Variants in PCDHA10 observed in about 807,000 individuals in gnomAD.
PCDHA10 encodes the protein protocadherin alpha-10.
Under a neutral mutation model 61.2 loss-of-function variants are expected in PCDHA10, and 45 were observed. That is an observed-to-expected ratio of 0.74 (90% CI 0.58 to 0.94). The LOEUF (loss-of-function observed/expected upper bound fraction) is 0.94, where lower values mean the gene tolerates loss of function less well. PCDHA10 is among the 40% of genes least tolerant of loss of function. The pLI, the probability that PCDHA10 is intolerant of heterozygous loss-of-function variation, is 0.00. For synonymous variants in PCDHA10, 602 were observed against 548.8 expected (o/e 1.10, Z -1.35); for missense variants, 1,278 against 1,236.2 (o/e 1.03, Z -0.51).
At chr5:140,969,251 A>T in intron 1 of PCDHA10, 3 of 1,614,262 alleles carry the variant, frequency 1.9e-6, no homozygotes, top group Non-Finnish European at 2.5e-6. Context: ...AGTGACTGAC[A>T]GCAGGAATCT....
chr5:140,924,165 C>G (rs782754845), intron 1 of PCDHA10, among the ~76,000 whole-genome samples: 5 of 152,230 alleles, frequency 3.3e-5, no homozygotes, highest in Admixed American at 1.3e-4. Context: ...ATCCTAATCT[C>G]TGGCACTGAA....
rs373307820 is a variant in PCDHA10 at position 140,857,638 on chromosome 5, A to G, written c.1590A>G (p.Leu530=). The G allele has an allele frequency of 1.1e-4, 174 of 1,596,206 alleles. 22 individuals are homozygous for G. The highest frequency in any genetic ancestry group is 1.4e-4 in the Non-Finnish European group (161 of 1,167,602). ...TGGACCACGAGGAGCTGGAGCTGCT[A>G]CAGTTCCAGGTGAGCGCGCGCGATG... is the stretch of plus-strand genomic sequence containing the variant. ...QPLDHEELEL[L]QFQVSARDGG... Residue 530 remains leucine (L), a synonymous_variant, in exon 1 of 4, where the codon CTA becomes CTG. Transcript: ENST00000307360.
At chr5:140,985,487 A>C (rs1554247112) in intron 3 of PCDHA10, among the ~76,000 whole-genome samples, 1 of 152,162 alleles carries the variant, frequency 6.6e-6, no homozygotes, top group Non-Finnish European at 1.5e-5. Context: ...TCCAGACTCA[A>C]ATAGAGCCTG....
chr5:140,979,130 A>C, intron 2 of PCDHA10, 123 bp downstream of exon 2: 1 of 1,473,242 alleles, frequency 6.8e-7, no homozygotes, highest in Admixed American at 2.7e-5. Flanking sequence ...TTTGCCAGGA[A>C]AATGCAATTA....
At chr5:140,870,806 A>AGAGT in intron 1 of PCDHA10, 1 of 1,613,688 alleles carries the variant, frequency 6.2e-7, no homozygotes, top group Non-Finnish European at 8.5e-7. Flanking sequence ...CTGGCGACTC[A>AGAGT]GGCTGGCAGC....
At chr5:140,913,503 T>G (rs1334607884) in intron 1 of PCDHA10, among the ~76,000 whole-genome samples, 6 of 152,182 alleles carry the variant, frequency 3.9e-5, no homozygotes, top group African/African-American at 1.4e-4. Context: ...GTTTAAAACT[T>G]TGTCAATTTT....
intron 1 of PCDHA10, among the ~76,000 whole-genome samples, chr5:140,916,847 C>G (rs1276107761): frequency 6.6e-6 from 1 of 152,116 alleles, no homozygotes; most frequent in Non-Finnish European, 1.5e-5. Flanking sequence ...GAGCCCAGCC[C>G]AGCACTAGGA....
intron 3 of PCDHA10, among the ~76,000 whole-genome samples, chr5:141,001,745 T>A (rs2098035193): frequency 6.6e-6 from 1 of 152,200 alleles, no homozygotes; most frequent in Non-Finnish European, 1.5e-5. Flanking sequence ...CTGGGCTGTT[T>A]CAGTGGTTGA....
intron 1 of PCDHA10, among the ~76,000 whole-genome samples, chr5:140,874,292 G>C (rs1554167129): frequency 2.0e-5 from 3 of 152,146 alleles, no homozygotes; most frequent in Non-Finnish European, 4.4e-5. Context: ...AAATCTATGT[G>C]TACTTGTTCA....
At chr5:140,871,627 G>A (rs1448842330) in intron 1 of PCDHA10, 32 of 1,398,812 alleles carry the variant, frequency 2.3e-5, no homozygotes, top group African/African-American at 4.4e-5. Flanking sequence ...AGATAACAAT[G>A]TCTGTTCATA....
chr5:140,933,503 AAAGACT>A (rs2089194435), intron 1 of PCDHA10, among the ~76,000 whole-genome samples: 1 of 152,098 alleles, frequency 6.6e-6, no homozygotes, highest in Non-Finnish European at 1.5e-5. Flanking sequence ...ATTGTTAAGC[AAAGACT>A]ACAGCTGTTT....
In PCDHA10 at chr5:140,992,017, CTGTGTG is replaced by C. The variant is rs10602499; in HGVS notation, c.2536+9486_2536+9491del. On this transcript the variant is annotated intron_variant, in intron 3 of 3. Coordinates refer to ENST00000307360, the MANE Select transcript of PCDHA10 (RefSeq NM_018901.4). ...CTTTCATGTTCAGGCAGAGGTGGCT[CTGTGTG>C]TGTGTGTGTGTGTGTGTGTGTGTGT... 2.1e-3 allele frequency among the ~76,000 whole-genome samples: 300 copies of C among 145,496 alleles called. 2 individuals carry two copies. The highest frequency in any genetic ancestry group is 4.8e-3 in the African/African-American group (189 of 39,270).
intron 1 of PCDHA10, chr5:140,883,393 C>T (rs781845683): frequency 1.2e-6 from 2 of 1,614,160 alleles, no homozygotes; most frequent in South Asian, 2.2e-5. Flanking sequence ...TCAGTGTGTC[C>T]GATCGTGACT....
At chr5:140,887,442 T>C (rs2061450115) in intron 1 of PCDHA10, among the ~76,000 whole-genome samples, 1 of 152,180 alleles carries the variant, frequency 6.6e-6, no homozygotes, top group Non-Finnish European at 1.5e-5. Context: ...CTGGGCATAG[T>C]TGACAGTTTT....
At chr5:140,870,285 C>G (rs1315531348) in intron 1 of PCDHA10, 1 of 1,614,108 alleles carries the variant, frequency 6.2e-7, no homozygotes, top group Non-Finnish European at 8.5e-7. Flanking sequence ...ACGTTCCCTT[C>G]AAGCTGGTGT....
intron 1 of PCDHA10, among the ~76,000 whole-genome samples, chr5:140,948,646 G>T (rs1030231985): frequency 6.6e-6 from 1 of 151,616 alleles, no homozygotes; most frequent in South Asian, 2.1e-4. Context: ...ATCTTTTAAC[G>T]TCTGTATAAT....
chr5:141,006,350 T>G (rs1254086807), intron 3 of PCDHA10, among the ~76,000 whole-genome samples: 2 of 152,086 alleles, frequency 1.3e-5, no homozygotes, highest in Non-Finnish European at 2.9e-5. Flanking sequence ...TAGCTGGGAC[T>G]ATAGGCGCCC....
At chr5:141,002,557 CAGTT>C (rs2098085452) in intron 3 of PCDHA10, among the ~76,000 whole-genome samples, 1 of 152,180 alleles carries the variant, frequency 6.6e-6, no homozygotes, top group South Asian at 2.1e-4. Flanking sequence ...CAGGATCCAC[CAGTT>C]AGTGACCATG....
In PCDHA10 at chr5:140,856,189, C is replaced by A. The variant is rs1399826536; in HGVS notation, c.141C>A (p.Ile47=). Residue 47 remains isoleucine, a synonymous_variant, in exon 1 of 4, where the codon ATC becomes ATA. Transcript: ENST00000307360. ...EARHGTFVGR[I]AQDLGLELAE... ...GACACGGCACCTTCGTGGGCCGCAT[C>A]GCGCAGGACCTGGGGCTGGAGCTGG... 11 of 1,598,094 alleles carry A rather than the reference C, an allele frequency of 6.9e-6. 1 individual carries two copies. In the African/African-American group the frequency reaches 1.5e-4, roughly 22 times the overall value.
Sources: gnomAD v4.1 joint callset for allele counts (sites outside exome capture counted in the v4.1 genomes callset) on GRCh38, gnomAD v4.1.1 for gene constraint, MANE v1.5 for transcripts, NCBI Gene and HGNC (gene_info 2026-07-23, HGNC 2026-07-21) for gene names.